Variants in ZNF263 observed in about 807,000 individuals in gnomAD.
ZNF263 encodes zinc finger protein 263.
A neutral mutation model predicts 63.1 loss-of-function variants in ZNF263; 49 were observed. The ratio of observed to expected loss-of-function variants is 0.78; its 90% CI spans 0.62 to 0.99. ZNF263 has a LOEUF of 0.99. ZNF263 is among the 50% of genes least tolerant of loss of function. The probability of loss-of-function intolerance (pLI) is 0.00; values close to 1 mark genes in which losing one functional copy is unlikely to be tolerated. For synonymous variants in ZNF263, 352 were observed against 324.2 expected (o/e 1.09, Z -0.92); for missense variants, 872 against 854.8 (o/e 1.02, Z -0.25).
rs755040475 is a variant in ZNF263, at chr16:3,283,987, G to A, written c.169G>A (p.Glu57Lys). The change falls in exon 1 of 6, where the codon GAA becomes AAA. Residue 57 changes from glutamate to lysine, a missense_variant. Physicochemically the swap from Glu to Lys is moderately conservative, Grantham distance 56. Coordinates refer to ENST00000219069, the MANE Select transcript of ZNF263 (RefSeq NM_005741.5). Reference sequence around the variant, plus strand: ...CTTCCAAGAGGCAGCTGGTCCCCGGGAAGCCCTCAGCCGGCTCCAAGAGCT... The same window carrying A: ...CTTCCAAGAGGCAGCTGGTCCCCGGAAAGCCCTCAGCCGGCTCCAAGAGCT... Reference protein sequence around the residue: ...FRFQEAAGPREALSRLQELCH... With the variant: ...FRFQEAAGPRKALSRLQELCH... 6.2e-7 allele frequency: 1 copy of A among 1,614,002 alleles called. No individual in the cohort carries two copies. The highest frequency in any genetic ancestry group is 1.3e-5 in the African/African-American group (1 of 75,070).
chr16:3,285,819 G>A, intron 3 of ZNF263, 65 bp downstream of exon 3: 1 of 1,583,746 alleles, frequency 6.3e-7, no homozygotes, highest in Non-Finnish European at 8.7e-7. Context: ...GGGGGTGGGG[G>A]TTCTCCATGT....
At chr16:3,299,441 G>GT in intron 2 of ZNF263, 1 of 1,557,062 alleles carries the variant, frequency 6.4e-7, no homozygotes, top group Middle Eastern at 1.7e-4. Flanking sequence ...ATGGTTATTT[G>GT]TTTTACTTCT....
In ZNF263 at chr16:3,299,585, A is replaced by G. The variant is rs765195612; in HGVS notation, c.*46+429A>G. On this transcript the variant is annotated intron_variant, in intron 2 of 2. Transcript: ENST00000574674. ...ACAAGACTCTCTTCAAGTTGCTTCCATCTATACAGCCGTTTGCAGCTCAAG... is the reference window on the plus strand; with the variant it reads ...ACAAGACTCTCTTCAAGTTGCTTCCGTCTATACAGCCGTTTGCAGCTCAAG... 2.6e-6 allele frequency: 4 copies of G among 1,549,624 alleles called. No homozygotes were observed. The South Asian group carries it at 3.8e-5, about 15-fold the overall frequency.
downstream of ZNF263, among the ~76,000 whole-genome samples, chr16:3,294,705 CAG>C (rs1226604592): frequency 2.0e-5 from 3 of 152,068 alleles, no homozygotes; most frequent in Non-Finnish European, 4.4e-5. Flanking sequence ...AAAAATGACT[CAG>C]ATCACAAAAA....
chr16:3,287,656 G>T (rs573630852), intron 4 of ZNF263, among the ~76,000 whole-genome samples: 1 of 152,168 alleles, frequency 6.6e-6, no homozygotes, highest in African/African-American at 2.4e-5. Flanking sequence ...TTTGCTGGAG[G>T]TGGAGGTTTT....
chr16:3,299,744 C>G, intron 2 of ZNF263: 1 of 1,543,898 alleles, frequency 6.5e-7, no homozygotes. Flanking sequence ...AGTAACAATG[C>G]CCTGACGTCC....
intron 4 of ZNF263, chr16:3,286,951 T>C (rs1265938079): frequency 6.6e-6 from 1 of 152,094 alleles, no homozygotes; most frequent in African/African-American, 2.4e-5. Context: ...CTCACTGGTG[T>C]GGTGGTGGTA....
In ZNF263 at chr16:3,288,535, G is replaced by A. The variant is rs201117200; in HGVS notation, c.851G>A (p.Cys284Tyr). Reference protein sequence around the residue: ...GKLWDPSVQSCKEGLSPRGPA... With the variant: ...GKLWDPSVQSYKEGLSPRGPA... ...CTATGGGATCCCAGTGTCCAGAGCT[G>A]CAAGGAGGGCCTGAGCCCCAGAGGC... Residue 284 changes from cysteine to tyrosine, a missense_variant, in exon 5 of 6, where the codon TGC becomes TAC. Physicochemically the swap from Cys to Tyr is radical, Grantham distance 194. Coordinates refer to ENST00000219069, the MANE Select transcript of ZNF263 (RefSeq NM_005741.5). 7 of 1,612,246 alleles carry A rather than the reference G, an allele frequency of 4.3e-6. No homozygotes were observed. In the African/African-American group the frequency reaches 8.0e-5, roughly 18 times the overall value.
Position 3,283,781 on chromosome 16 carries a change from C to T in ZNF263, c.-38C>T, listed in dbSNP as rs777663303. 1.1e-5 allele frequency: 17 copies of T among 1,502,922 alleles called. No homozygotes were observed. The highest frequency in any genetic ancestry group is 6.6e-5 in the Admixed American group (3 of 45,628). 93.1% of individuals were successfully genotyped at this position (1,502,922 alleles called of 1,614,324 possible). On this transcript the variant is annotated 5_prime_UTR_variant, in exon 1 of 6. In the 5' UTR this introduces an upstream ATG that the reference lacks. Transcript: ENST00000219069. ...TTCAGGGCGCCTTCGTAGGCGGGCA[C>T]GGCTGGTTTCGGGCTAAGGCGCTCT...
At chr16:3,286,204 C>T in intron 4 of ZNF263, 55 bp downstream of exon 4, 1 of 1,529,220 alleles carries the variant, frequency 6.5e-7, no homozygotes, top group Non-Finnish European at 8.7e-7. Context: ...CAGGGTCCTG[C>T]CCGTTATTCA....
At chr16:3,286,302 T>C (rs1567250335) in intron 4 of ZNF263, 153 bp downstream of exon 4, 3 of 1,150,872 alleles carry the variant, frequency 2.6e-6, no homozygotes, top group Middle Eastern at 3.1e-4. Flanking sequence ...ACGAGAGTCA[T>C]GTATCTGCCA....
chr16:3,289,472 C>G lies in ZNF263; in HGVS notation c.966C>G (p.Asp322Glu). 6.5e-7 allele frequency: 1 copy of G among 1,539,540 alleles called. No individual in the cohort carries two copies. Among genetic ancestry groups the G allele is most frequent in the Non-Finnish European group, 8.7e-7 (1 of 1,145,898 alleles). Residue 322 changes from aspartate (D) to glutamate (E), a missense_variant, in exon 6 of 6, where the codon GAC (aspartate) becomes GAG (glutamate). Transcript: ENST00000219069. ...TCCACCCTCAGGTGCTGCTTCCTGA[C>G]CAGGCCCGAGGGGAGGTGCCCTGGA... ...ENIHPQVLLPDQARGEVPWSP... is the reference protein window; with the variant it reads ...ENIHPQVLLPEQARGEVPWSP...
At chr16:3,287,174 C>T (rs1373406163) in intron 4 of ZNF263, among the ~76,000 whole-genome samples, 2 of 152,172 alleles carry the variant, frequency 1.3e-5, no homozygotes, top group Non-Finnish European at 1.5e-5. Flanking sequence ...TCTGCAAACG[C>T]AATCTTGCTC....
rs1374977422 is a variant in ZNF263, at chr16:3,289,731, G to A, written c.1225G>A (p.Val409Met). Reference sequence around the variant, plus strand: ...TGCAGCTGAAAGACTGTGTATGGGTGTGGACTGCACTGAAATCTTTGGTGG... The same window carrying A: ...TGCAGCTGAAAGACTGTGTATGGGTATGGACTGCACTGAAATCTTTGGTGG... ...IHAAERLCMG[V>M]DCTEIFGGNP... is the part of the protein sequence containing the mutation. Residue 409 changes from valine to methionine, a missense_variant, in exon 6 of 6, where the codon GTG becomes ATG. Physicochemically the swap from Val to Met is conservative, Grantham distance 21 (BLOSUM62 1). Coordinates refer to ENST00000219069, the MANE Select transcript of ZNF263 (RefSeq NM_005741.5). 1.2e-6 allele frequency: 2 copies of A among 1,614,174 alleles called. No individual in the cohort carries two copies. Among genetic ancestry groups the A allele is most frequent in the South Asian group, 1.1e-5 (1 of 91,084 alleles).
chr16:3,301,229 A>G (rs1159352710), exon 3 of ZNF263: 1 of 167,264 alleles, frequency 6.0e-6, no homozygotes, highest in Middle Eastern at 3.4e-3. Flanking sequence ...GCAGCAGTTC[A>G]TCTACCTGGA....
chr16:3,286,966 C>T (rs534314117), intron 4 of ZNF263: 2 of 152,200 alleles, frequency 1.3e-5, no homozygotes, highest in Non-Finnish European at 2.9e-5. Flanking sequence ...GTGGTAGTCC[C>T]AGTTACTCAG....
At chr16:3,288,687 C>A in intron 5 of ZNF263, 117 bp downstream of exon 5, 1 of 660,824 alleles carries the variant, frequency 1.5e-6, no homozygotes, top group Admixed American at 3.0e-5. Context: ...CTCTTGTTGC[C>A]CAGGCTGGAG....
At chr16:3,300,030 C>A (rs547834622) in intron 2 of ZNF263, 2 of 1,614,172 alleles carry the variant, frequency 1.2e-6, no homozygotes, top group African/African-American at 2.7e-5. Context: ...AGATATCTTT[C>A]CTACTTGCCT....
At chr16:3,288,411 G>C (rs1959462554) in intron 4 of ZNF263, 43 bp from the exon 5 acceptor site, 1 of 1,439,144 alleles carries the variant, frequency 6.9e-7, no homozygotes. Flanking sequence ...CCCTGGTAGA[G>C]GAAAGTGGCA....
Sources: allele counts gnomAD v4.1 joint callset (sites outside exome capture counted in the v4.1 genomes callset), GRCh38; gene constraint gnomAD v4.1.1; transcripts MANE v1.5; gene names NCBI Gene and HGNC (gene_info 2026-07-23, HGNC 2026-07-21).